The following SIPA1L2 variants were observed in gnomAD, a reference collection of about 807,000 sequenced individuals.
The protein encoded by SIPA1L2 is signal induced proliferation associated 1 like 2.
Under a neutral mutation model 163.9 loss-of-function variants are expected in SIPA1L2, and 56 were observed. The observed-to-expected ratio is 0.34, with a 90% confidence interval of 0.28 to 0.43. The LOEUF (loss-of-function observed/expected upper bound fraction) is 0.43. Ranked by LOEUF, SIPA1L2 falls within the 20% of genes least tolerant of loss-of-function variation. The probability of loss-of-function intolerance (pLI) is 1.00; values close to 1 mark genes in which losing one functional copy is unlikely to be tolerated. For missense variants in SIPA1L2, 1,974 were observed against 2,193.5 expected (o/e 0.90, Z 2.00); for synonymous variants, 877 against 865.7 (o/e 1.01, Z -0.23).
chr1:232,524,997 T>C (rs1210432768), intron 2 of SIPA1L2, among the ~76,000 whole-genome samples: 5 of 152,100 alleles, frequency 3.3e-5, no homozygotes, highest in East Asian at 1.9e-4. Flanking sequence ...ATAAAACCAA[T>C]GGATGTTTAA....
rs570910937 is a variant in SIPA1L2 at position 232,478,728 on chromosome 1, A to G, written c.2085+899T>C. The stretch of plus-strand genomic sequence containing the variant: ...TAAATACAATCAAATCCCTAAAATT[A>G]AATTATGTCAATGAATCAGTTATAA... On this transcript the variant is annotated intron_variant, in intron 7 of 22. Coordinates refer to ENST00000674635, the MANE Select transcript of SIPA1L2 (RefSeq NM_020808.5). Among the ~76,000 whole-genome samples, 37 of 152,336 alleles carry G rather than the reference A, an allele frequency of 2.4e-4. No homozygotes were observed. The South Asian group carries it at 6.4e-3, about 26-fold the overall frequency.
chr1:232,441,492 A>G (rs1208497198), intron 13 of SIPA1L2, 98 bp from the exon 14 acceptor site: 1 of 1,020,464 alleles, frequency 9.8e-7, no homozygotes, highest in African/African-American at 1.6e-5. Context: ...GTAAACATGA[A>G]CAGGCTTGTG....
Position 232,465,533 on chromosome 1 carries a change from C to T in SIPA1L2, c.2244-117G>A, listed in dbSNP as rs374257692. On this transcript the variant is annotated intron_variant, in intron 8 of 22. Transcript: ENST00000674635. The surrounding 1 kb of genome is among the most constrained non-coding windows in gnomAD (Gnocchi z 4.1). Reference sequence around the variant, plus strand: ...ACATATACATACACACACACACACACATATACATACACACATACACACACA... The same window carrying T: ...ACATATACATACACACACACACACATATATACATACACACATACACACACA... 176 of 799,636 alleles carry T rather than the reference C, an allele frequency of 2.2e-4. 3 individuals are homozygous for T. Among genetic ancestry groups the T allele is most frequent in the Non-Finnish European group, 7.0e-5 (36 of 511,374 alleles). The allele number at this position is 799,636 out of a possible 1,614,324, so 49.5% of individuals were successfully genotyped here.
chr1:232,623,376 C>T (rs1219768844), intron 1 of SIPA1L2, among the ~76,000 whole-genome samples: 1 of 152,092 alleles, frequency 6.6e-6, no homozygotes, highest in Non-Finnish European at 1.5e-5. Context: ...GAGGCCGAGG[C>T]GGGCAGATCA....
chr1:232,569,409 C>T lies in SIPA1L2; in HGVS notation c.-270+4765G>A, dbSNP rs187337679. On this transcript the variant is annotated intron_variant, in intron 2 of 22. Coordinates refer to ENST00000674635, the MANE Select transcript of SIPA1L2 (RefSeq NM_020808.5). ...CCTGGCAAGAGATGGCGCACATCTG[C>T]TGTAAGCAGGCAAAGGATGCTGTCG... 3.3e-5 allele frequency among the ~76,000 whole-genome samples: 5 copies of T among 152,324 alleles called. No homozygotes were observed. The East Asian group carries it at 7.7e-4, about 24-fold the overall frequency.
chr1:232,629,246 G>A (rs1388885018), intron 1 of SIPA1L2, among the ~76,000 whole-genome samples: 1 of 152,202 alleles, frequency 6.6e-6, no homozygotes, highest in Non-Finnish European at 1.5e-5. Flanking sequence ...TAATCTGTAG[G>A]TGTTCCCAGG....
intron 2 of SIPA1L2, among the ~76,000 whole-genome samples, chr1:232,524,272 G>A (rs563393986): frequency 6.6e-6 from 1 of 152,284 alleles, no homozygotes; most frequent in African/African-American, 2.4e-5. Flanking sequence ...TGAATAATGA[G>A]TCATAGAAGA....
At chr1:232,422,010 C>G (rs1661605052) in intron 18 of SIPA1L2, among the ~76,000 whole-genome samples, 1 of 152,124 alleles carries the variant, frequency 6.6e-6, no homozygotes, top group Non-Finnish European at 1.5e-5. Flanking sequence ...TGAATGAACC[C>G]AGGTGTCTAC....
chr1:232,597,499 A>T (rs910396627), intron 1 of SIPA1L2, among the ~76,000 whole-genome samples: 2 of 150,910 alleles, frequency 1.3e-5, no homozygotes, highest in South Asian at 2.1e-4. Flanking sequence ...AACACGGTGA[A>T]ACCCCGTCTC....
intron 18 of SIPA1L2, among the ~76,000 whole-genome samples, chr1:232,423,189 T>C (rs1188675311): frequency 6.6e-6 from 1 of 152,196 alleles, no homozygotes; most frequent in Non-Finnish European, 1.5e-5. Context: ...GCAAGTGTGC[T>C]GAGTACGTTT....
At chr1:232,509,070 C>CA (rs1558232214) in intron 3 of SIPA1L2, among the ~76,000 whole-genome samples, 1 of 152,218 alleles carries the variant, frequency 6.6e-6, no homozygotes, top group Non-Finnish European at 1.5e-5. Context: ...CCAGCCTGGG[C>CA]AACAGAGCGA....
chr1:232,559,374 G>A (rs939143209), intron 2 of SIPA1L2, among the ~76,000 whole-genome samples: 3 of 152,202 alleles, frequency 2.0e-5, no homozygotes, highest in African/African-American at 7.2e-5. Flanking sequence ...CATGTAGAGT[G>A]CTTTAGACTC....
chr1:232,527,758 G>T (rs1346959499), intron 2 of SIPA1L2, among the ~76,000 whole-genome samples: 2 of 126,602 alleles, frequency 1.6e-5, no homozygotes, highest in Non-Finnish European at 3.1e-5. Context: ...TTGAGACAGG[G>T]TCTCACTCTG....
Position 232,465,337 on chromosome 1 carries a change from C to T in SIPA1L2, c.2323G>A (p.Val775Met), listed in dbSNP as rs376479487. 20 of 1,614,034 alleles carry T rather than the reference C, an allele frequency of 1.2e-5. No homozygotes were observed. The highest frequency in any genetic ancestry group is 2.2e-5 in the South Asian group (2 of 91,088). Residue 775 changes from valine (V) to methionine (M), a missense_variant, in exon 9 of 23, where the codon GTG (valine) becomes ATG (methionine). Physicochemically the swap from Val to Met is conservative, Grantham distance 21. Coordinates refer to ENST00000674635, the MANE Select transcript of SIPA1L2 (RefSeq NM_020808.5). The surrounding 1 kb of genome is among the most constrained non-coding windows in gnomAD (Gnocchi z 4.1). ...PKGVTFPKSA[V>M]FRDFLLAKVI... is the part of the protein sequence containing the mutation. The stretch of plus-strand genomic sequence containing the variant: ...TTGGCTAAAAGGAAGTCCCGGAACA[C>T]GGCTGACTTTGGAAAAGTTACACCT...
intron 1 of SIPA1L2, among the ~76,000 whole-genome samples, chr1:232,585,671 G>T (rs1660618750): frequency 6.6e-6 from 1 of 152,218 alleles, no homozygotes; most frequent in African/African-American, 2.4e-5. Flanking sequence ...AAAGGAGGAA[G>T]AAGGCCAATC....
chr1:232,415,773 C>T lies in SIPA1L2; in HGVS notation c.4631-148G>A, dbSNP rs1369033036. On this transcript the variant is annotated intron_variant, in intron 18 of 22. Transcript: ENST00000674635. ...TGCCCCCTCCCAGAGTCAGTCAGAA[C>T]ACGGGCACCACTGTCCCTCCCAGAG... 16 of 886,648 alleles carry T rather than the reference C, an allele frequency of 1.8e-5. No individual in the cohort carries two copies. In the East Asian group the frequency reaches 4.3e-4, roughly 24 times the overall value. The allele number at this position is 886,648 out of a possible 1,614,324, so 54.9% of individuals were successfully genotyped here.
chr1:232,460,490 G>T (rs977368332), intron 10 of SIPA1L2, among the ~76,000 whole-genome samples: 1 of 152,134 alleles, frequency 6.6e-6, no homozygotes, highest in Non-Finnish European at 1.5e-5. Flanking sequence ...ATGGCTTCAT[G>T]TTATGGGAAG....
chr1:232,497,204 G>A (rs1666240219), intron 3 of SIPA1L2, among the ~76,000 whole-genome samples: 1 of 152,196 alleles, frequency 6.6e-6, no homozygotes. Context: ...ATGGGAGAAC[G>A]TTCTGAGGTC....
At chr1:232,504,557 AG>A (rs571262169) in intron 3 of SIPA1L2, among the ~76,000 whole-genome samples, 84 of 152,190 alleles carry the variant, frequency 5.5e-4, no homozygotes, top group Admixed American at 1.3e-3. Context: ...AAAAAAAAAA[AG>A]TAACTCAACA....
Sources: allele counts gnomAD v4.1 joint callset (sites outside exome capture counted in the v4.1 genomes callset), GRCh38; gene constraint gnomAD v4.1.1; non-coding constraint Gnocchi (gnomAD v3.1); transcripts MANE v1.5; gene names NCBI Gene and HGNC (gene_info 2026-07-23, HGNC 2026-07-21).